Variants in MYLK observed in about 807,000 individuals in gnomAD.
MYLK encodes myosin light chain kinase.
Under a neutral mutation model 203.4 loss-of-function variants are expected in MYLK, and 106 were observed. The ratio of observed to expected loss-of-function variants is 0.52; its 90% CI spans 0.45 to 0.61. The LOEUF (loss-of-function observed/expected upper bound fraction) is 0.61, where lower values mean the gene tolerates loss of function less well. Among genes scored for constraint, MYLK ranks in the 20% least tolerant of loss-of-function variants. The probability of loss-of-function intolerance (pLI) is 0.00; values close to 1 mark genes in which losing one functional copy is unlikely to be tolerated. For missense variants in MYLK, 2,072 were observed against 2,442.3 expected (o/e 0.85, Z 3.20); for synonymous variants, 867 against 959.5 (o/e 0.90, Z 1.78).
chr3:123,831,353 A>G, intron 3 of MYLK, 195 bp downstream of exon 3: 1 of 1,286,688 alleles, frequency 7.8e-7, no homozygotes, highest in Non-Finnish European at 1.0e-6. Context: ...CAGCTAAGCC[A>G]AAATCAACAG....
chr3:123,814,125 C>A (rs1577050854), intron 3 of MYLK: 3 of 360,006 alleles, frequency 8.3e-6, no homozygotes, highest in Non-Finnish European at 1.7e-5. Context: ...AGGCACTGAC[C>A]CAGAAGGCTG....
At chr3:123,616,769 C>G (rs1203497260) in intron 33 of MYLK, 1 of 152,154 alleles carries the variant, frequency 6.6e-6, no homozygotes, top group East Asian at 1.9e-4. Flanking sequence ...CCTTCTCTCT[C>G]GCTCTCTCAC....
intron 11 of MYLK, among the ~76,000 whole-genome samples, chr3:123,728,226 G>A (rs531804335): frequency 6.6e-6 from 1 of 152,206 alleles, no homozygotes; most frequent in Non-Finnish European, 1.5e-5. Context: ...CAAACATCCA[G>A]GAGTGGTGGC....
Position 123,733,784 on chromosome 3 carries a change from G to T in MYLK, c.1212C>A (p.Pro404=), listed in dbSNP as rs765597431. The T allele has an allele frequency of 1.1e-4, 183 of 1,614,092 alleles. No homozygotes were observed. The highest frequency in any genetic ancestry group is 3.0e-4 in the Admixed American group (18 of 60,008). Residue 404 remains proline (P), a synonymous_variant, in exon 10 of 34, where the codon CCC becomes CCA. Coordinates refer to ENST00000360304, the MANE Select transcript of MYLK (RefSeq NM_053025.4). ...ATGCTGAATCCCTCTGGCCCTCCAT[G>T]GGGATTCTCCTGTTAGCAGCCTTGC... The part of the protein sequence containing the change: ...VVSKAANRRI[P]MEGQRDSAFP...
intron 31 of MYLK, among the ~76,000 whole-genome samples, chr3:123,625,793 C>G (rs1486171136): frequency 7.3e-6 from 1 of 136,446 alleles, no homozygotes; most frequent in Non-Finnish European, 1.5e-5. Context: ...GGCAACAGAG[C>G]GAGACTCCAT....
intron 3 of MYLK, among the ~76,000 whole-genome samples, chr3:123,813,636 G>A (rs764179392): frequency 1.3e-5 from 2 of 152,002 alleles, no homozygotes; most frequent in Non-Finnish European, 2.9e-5. Context: ...TCAGCCTCCC[G>A]AGTTGCTGGG....
intron 2 of MYLK, among the ~76,000 whole-genome samples, chr3:123,875,273 A>G (rs1241267584): frequency 1.3e-5 from 2 of 152,214 alleles, no homozygotes; most frequent in African/African-American, 4.8e-5. Flanking sequence ...ACAATGAAAT[A>G]ATACTCAGCA....
At chr3:123,720,881 C>T (rs575691591) in intron 13 of MYLK, among the ~76,000 whole-genome samples, 5 of 152,294 alleles carry the variant, frequency 3.3e-5, no homozygotes, top group Non-Finnish European at 7.4e-5. Context: ...GGCCAGTCTT[C>T]CCCTTTGAGC....
At chr3:123,828,033 A>G (rs1240404142) in intron 3 of MYLK, among the ~76,000 whole-genome samples, 1 of 151,984 alleles carries the variant, frequency 6.6e-6, no homozygotes, top group African/African-American at 2.4e-5. Flanking sequence ...GGATCAGAAG[A>G]ATTAATATTG....
chr3:123,854,155 G>T (rs1338769330), intron 2 of MYLK, among the ~76,000 whole-genome samples: 1 of 147,906 alleles, frequency 6.8e-6, no homozygotes, highest in East Asian at 2.0e-4. Context: ...GACCATAGAG[G>T]CATGATAGAG....
intron 2 of MYLK, among the ~76,000 whole-genome samples, chr3:123,861,855 C>T (rs1000689779): frequency 6.6e-6 from 1 of 152,196 alleles, no homozygotes; most frequent in African/African-American, 2.4e-5. Flanking sequence ...GGGGCTAGAT[C>T]AGGACATAGT....
At chr3:123,822,934 G>A (rs1175512912) in intron 3 of MYLK, among the ~76,000 whole-genome samples, 1 of 152,104 alleles carries the variant, frequency 6.6e-6, no homozygotes, top group Admixed American at 6.6e-5. Flanking sequence ...GGCTCTAAGT[G>A]CAAACAGAAG....
chr3:123,670,498 T>C (rs2108368852), intron 20 of MYLK, among the ~76,000 whole-genome samples: 1 of 152,174 alleles, frequency 6.6e-6, no homozygotes, highest in East Asian at 1.9e-4. Flanking sequence ...GCTCAGCCTG[T>C]AATCCCAGCG....
chr3:123,638,730 A>G lies in MYLK; in HGVS notation c.4838-536T>C, dbSNP rs1189694195. ...GTCCAACTCCTGAGCCATGCTTACC[A>G]CCGTTCCTCCCTCCTGCCTCTCCTA... On this transcript the variant is annotated intron_variant, in intron 28 of 33. Coordinates refer to ENST00000360304, the MANE Select transcript of MYLK (RefSeq NM_053025.4). The G allele has an allele frequency of 7.1e-6, 7 of 984,642 alleles. No homozygotes were observed. In the African/African-American group the frequency reaches 1.2e-4, roughly 17 times the overall value. The allele number at this position is 984,642 out of a possible 1,614,324, so 61.0% of individuals were successfully genotyped here.
At chr3:123,802,913 T>C (rs995186056) in intron 3 of MYLK, among the ~76,000 whole-genome samples, 6 of 152,202 alleles carry the variant, frequency 3.9e-5, no homozygotes, top group African/African-American at 1.2e-4. Context: ...AGTATACTTA[T>C]TGAACTCCTA....
rs182851568 is a variant in MYLK, at chr3:123,642,321, G to C, written c.4620-1817C>G. 1.6e-4 allele frequency among the ~76,000 whole-genome samples: 24 copies of C among 152,294 alleles called. No homozygotes were observed. In the East Asian group the frequency reaches 4.6e-3, roughly 29 times the overall value. ...AGTTTTTAGGAATGTAGGAGGCTTT[G>C]TAAAGTATCATGCCTAACACACAGA... On this transcript the variant is annotated intron_variant, in intron 27 of 33. Transcript: ENST00000360304. The surrounding 1 kb of genome is among the most constrained non-coding windows in gnomAD (Gnocchi z 4.2).
chr3:123,838,723 GTTGTAAACAC>G (rs2066526184), intron 2 of MYLK, among the ~76,000 whole-genome samples: 1 of 152,182 alleles, frequency 6.6e-6, no homozygotes. Flanking sequence ...AAAGATATAT[GTTGTAAACAC>G]TAGAGCACAC....
intron 2 of MYLK, among the ~76,000 whole-genome samples, chr3:123,865,119 C>A (rs2032238528): frequency 6.6e-6 from 1 of 152,158 alleles, no homozygotes; most frequent in African/African-American, 2.4e-5. Flanking sequence ...AGTCAATCTT[C>A]CTAGTTCACA....
At chr3:123,658,832 T>C (rs2059473279) in intron 23 of MYLK, among the ~76,000 whole-genome samples, 1 of 152,170 alleles carries the variant, frequency 6.6e-6, no homozygotes, top group Admixed American at 6.5e-5. Context: ...TGAGTATATA[T>C]ACTCATACTC....
Sources: allele counts gnomAD v4.1 joint callset (sites outside exome capture counted in the v4.1 genomes callset), GRCh38; gene constraint gnomAD v4.1.1; non-coding constraint Gnocchi (gnomAD v3.1); transcripts MANE v1.5; gene names NCBI Gene and HGNC (gene_info 2026-07-23, HGNC 2026-07-21).